The following KDM7A variants were observed in gnomAD, a reference collection of about 807,000 sequenced individuals.
The protein encoded by KDM7A is lysine-specific demethylase 7A.
In KDM7A, 28 loss-of-function variants were observed where a neutral mutation model predicts 114.8. The ratio of observed to expected loss-of-function variants is 0.24; its 90% CI spans 0.18 to 0.33. The LOEUF is 0.33. KDM7A is among the 10% of genes least tolerant of loss of function. The probability of loss-of-function intolerance (pLI) is 1.00; values close to 1 mark genes in which losing one functional copy is unlikely to be tolerated. For missense variants in KDM7A, 942 were observed against 1,142.5 expected, an observed-to-expected ratio of 0.82 and a Z score of 2.53; for synonymous variants, 423 against 397.8, an observed-to-expected ratio of 1.06 and a Z score of -0.75.
intron 1 of KDM7A, among the ~76,000 whole-genome samples, chr7:140,160,789 C>G (rs976018496): frequency 4.6e-5 from 7 of 152,278 alleles, no homozygotes; most frequent in Middle Eastern, 3.4e-3. Flanking sequence ...TGGATGCCCA[C>G]AAAGGCAAAG....
At position 140,111,115 on chromosome 7, in the gene KDM7A, T is replaced by C. The variant is rs769992015; in HGVS notation, c.1408A>G (p.Lys470Glu). The C allele has an allele frequency of 1.3e-6, 2 of 1,596,878 alleles. No homozygotes were observed. Among genetic ancestry groups the C allele is most frequent in the South Asian group, 1.1e-5 (1 of 90,342 alleles). ...CTTACCTCTATTGCTCGAATTACTT[T>C]AGAAAGTTCTTTAATAAGGTGTCCA... ...RPGHLIKELSKVIRAIEEENG... is the reference protein window; with the variant it reads ...RPGHLIKELSEVIRAIEEENG... The change falls in exon 11 of 20, where the codon AAA becomes GAA. Residue 470 changes from lysine to glutamate, a missense_variant. By Grantham distance (56) the Lys-to-Glu change is moderately conservative (BLOSUM62 1). Transcript: ENST00000397560.
chr7:140,111,674 G>A lies in KDM7A; in HGVS notation c.1339-490C>T, dbSNP rs538294231. Among the ~76,000 whole-genome samples the A allele has an allele frequency of 7.2e-5, 11 of 152,266 alleles. No individual in the cohort carries two copies. The South Asian group carries it at 1.9e-3, about 26-fold the overall frequency. On this transcript the variant is annotated intron_variant, in intron 10 of 19. Transcript: ENST00000397560. ...AAAAGATCCCATCAATAGGAAAGGGGAAGGCCGGGCGCAGTGACTCACGCC... is the reference window on the plus strand; with the variant it reads ...AAAAGATCCCATCAATAGGAAAGGGAAAGGCCGGGCGCAGTGACTCACGCC...
chr7:140,126,841 TAC>T lies in KDM7A; in HGVS notation c.702-20_702-19del, dbSNP rs1180077272. 18 of 1,581,918 alleles carry T rather than the reference TAC, an allele frequency of 1.1e-5. No individual in the cohort carries two copies. Among genetic ancestry groups the T allele is most frequent in the Non-Finnish European group, 1.3e-5 (15 of 1,154,346 alleles). On this transcript the variant is annotated intron_variant, in intron 5 of 19. Transcript: ENST00000397560. ...CAGACATCCTTTCAAAAAACAAACA[TAC>T]ACACACACCCACATCATGCAAATTA...
chr7:140,147,917 C>T (rs147241058), intron 1 of KDM7A, among the ~76,000 whole-genome samples: 1,542 of 152,260 alleles, frequency 0.01, 99 homozygotes, highest in Admixed American at 0.095. Context: ...TCTCAATCTG[C>T]CTGAGGAGCA....
chr7:140,096,202 A>G (rs908779332), intron 17 of KDM7A, among the ~76,000 whole-genome samples: 2 of 152,148 alleles, frequency 1.3e-5, no homozygotes, highest in African/African-American at 4.8e-5. Flanking sequence ...TTCCTCTCAT[A>G]AAAGGAAAAA....
intron 9 of KDM7A, among the ~76,000 whole-genome samples, chr7:140,114,572 C>G (rs887480379): frequency 1.3e-5 from 2 of 150,758 alleles, no homozygotes; most frequent in African/African-American, 4.9e-5. Context: ...GAGATTGCAG[C>G]CTCTGCCCAG....
chr7:140,114,660 G>A lies in KDM7A; in HGVS notation c.1247-1078C>T, dbSNP rs576690158. ...TGGGATGTGAGGAGCCCCTCTGCCC[G>A]GCTGCCCAGTCTGGGGAGTGAGAAG... On this transcript the variant is annotated intron_variant, in intron 9 of 19. Coordinates refer to ENST00000397560, the MANE Select transcript of KDM7A (RefSeq NM_030647.2). Among the ~76,000 whole-genome samples, 647 of 151,776 alleles carry A rather than the reference G, an allele frequency of 4.3e-3. 1 individual carries two copies. Among genetic ancestry groups the A allele is most frequent in the African/African-American group, 0.015 (605 of 41,364 alleles).
rs998235545 is a variant in KDM7A at position 140,091,901 on chromosome 7, T to G, written c.2634A>C (p.Pro878=). Residue 878 remains proline (P), a synonymous_variant, in exon 19 of 20, where the codon CCA becomes CCC. Transcript: ENST00000397560. Reference sequence around the variant, plus strand: ...AGGAAGTTTCACCAACTGGCCTTTCTGGGCTTAGACTGCCATTACTTATCT... The same window carrying G: ...AGGAAGTTTCACCAACTGGCCTTTCGGGGCTTAGACTGCCATTACTTATCT... ...ACQISNGSLS[P]ERPVGETSFS... The G allele has an allele frequency of 6.2e-7, 1 of 1,614,140 alleles. No individual in the cohort carries two copies. Among genetic ancestry groups the G allele is most frequent in the Admixed American group, 1.7e-5 (1 of 60,028 alleles).
chr7:140,105,499 G>C (rs934224679), intron 11 of KDM7A, among the ~76,000 whole-genome samples: 3 of 152,128 alleles, frequency 2.0e-5, no homozygotes, highest in Non-Finnish European at 4.4e-5. Flanking sequence ...TAGCATGAAG[G>C]GCTGCTGAAT....
chr7:140,176,263 C>G lies in KDM7A; in HGVS notation c.194+481G>C, dbSNP rs527752599. Reference sequence around the variant, plus strand: ...GAGGAGACGCGGGGCCGGGGCGACCCCATCGCCGCCCGGAAGGAAGGCAGG... The same window carrying G: ...GAGGAGACGCGGGGCCGGGGCGACCGCATCGCCGCCCGGAAGGAAGGCAGG... On this transcript the variant is annotated intron_variant, in intron 1 of 19. Transcript: ENST00000397560. The surrounding 1 kb of genome is among the most constrained non-coding windows in gnomAD (Gnocchi z 4.4). Among the ~76,000 whole-genome samples the G allele has an allele frequency of 6.6e-6, 1 of 150,468 alleles. No individual in the cohort carries two copies. Among genetic ancestry groups the G allele is most frequent in the African/African-American group, 2.4e-5 (1 of 41,312 alleles).
chr7:140,097,690 G>A (rs766855376), intron 14 of KDM7A, 48 bp from the exon 15 acceptor site: 46 of 1,069,906 alleles, frequency 4.3e-5, no homozygotes, highest in East Asian at 1.2e-4. Context: ...ATTTGACTAC[G>A]ATGAACAAGG....
At chr7:140,160,141 C>T (rs920913190) in intron 1 of KDM7A, among the ~76,000 whole-genome samples, 3 of 151,914 alleles carry the variant, frequency 2.0e-5, no homozygotes, top group African/African-American at 7.3e-5. Flanking sequence ...CTGTTTAAGG[C>T]AAGTAAATTT....
At chr7:140,099,071 A>G (rs763472694) in intron 13 of KDM7A, 38 bp from the exon 14 acceptor site, 2 of 1,499,768 alleles carry the variant, frequency 1.3e-6, no homozygotes, top group Non-Finnish European at 1.8e-6. Context: ...ATATAGTGCA[A>G]GACTCTGTAG....
rs1235858172 is a variant in KDM7A at position 140,176,528 on chromosome 7, G to A, written c.194+216C>T. ...GTTTGTTGTGGCGACTCTTCGCCCG[G>A]GCCAGGCGAGCCCACCGGCTCCCCT... On this transcript the variant is annotated intron_variant, in intron 1 of 19. Transcript: ENST00000397560. The surrounding 1 kb of genome is among the most constrained non-coding windows in gnomAD (Gnocchi z 4.4). Among the ~76,000 whole-genome samples, 1 of 146,806 alleles carries A rather than the reference G, an allele frequency of 6.8e-6. No individual in the cohort carries two copies. The highest frequency in any genetic ancestry group is 2.0e-4 in the East Asian group (1 of 5,038).
At chr7:140,155,540 G>A (rs763485580) in intron 1 of KDM7A, among the ~76,000 whole-genome samples, 3 of 152,298 alleles carry the variant, frequency 2.0e-5, no homozygotes, top group African/African-American at 4.8e-5. Flanking sequence ...ATCAGAATAC[G>A]GAGTGGGCAA....
In KDM7A at chr7:140,091,032, TCCAGGCTCCTGCACCCCTAGACTGGTCTC is replaced by T. The variant is rs1818009054; in HGVS notation, c.*33_*61del. Reference sequence around the variant, plus strand: ...CTCCAGGCAGGGGGACAGCGGAAGCTCCAGGCTCCTGCACCCCTAGACTGGTCTCCAAAGGGAAGAATGGCTGCAACAGC... The same window carrying T: ...CTCCAGGCAGGGGGACAGCGGAAGCTCAAAGGGAAGAATGGCTGCAACAGC... On this transcript the variant is annotated 3_prime_UTR_variant, in exon 20 of 20. Coordinates refer to ENST00000397560, the MANE Select transcript of KDM7A (RefSeq NM_030647.2). 8.4e-7 allele frequency: 1 copy of T among 1,192,634 alleles called. No individual in the cohort carries two copies. The highest frequency in any genetic ancestry group is 1.3e-6 in the Non-Finnish European group (1 of 796,810). The allele number at this position is 1,192,634 out of a possible 1,614,324, so 73.9% of individuals were successfully genotyped here.
At chr7:140,098,748 T>C (rs1562945193) in intron 14 of KDM7A, 131 bp downstream of exon 14, 1 of 749,740 alleles carries the variant, frequency 1.3e-6, no homozygotes, top group East Asian at 2.7e-5. Flanking sequence ...TTCAGATTTT[T>C]CAAGACAGTT....
chr7:140,139,950 T>TA (rs576673649), intron 1 of KDM7A, among the ~76,000 whole-genome samples: 5 of 152,146 alleles, frequency 3.3e-5, no homozygotes, highest in Admixed American at 6.5e-5. Context: ...CATGAGGAAA[T>TA]AGAGTGCCTG....
At chr7:140,166,513 T>C (rs1277104347) in intron 1 of KDM7A, among the ~76,000 whole-genome samples, 5 of 151,960 alleles carry the variant, frequency 3.3e-5, no homozygotes, top group African/African-American at 1.2e-4. Context: ...CTAATTTTTG[T>C]ATTTTTTGTA....
Sources: allele counts gnomAD v4.1 joint callset (sites outside exome capture counted in the v4.1 genomes callset), GRCh38; gene constraint gnomAD v4.1.1; non-coding constraint Gnocchi (gnomAD v3.1); transcripts MANE v1.5; gene names NCBI Gene and HGNC (gene_info 2026-07-23, HGNC 2026-07-21).